Variants in MNAT1 observed in about 807,000 individuals in gnomAD.
The protein encoded by MNAT1 is CDK-activating kinase assembly factor MAT1.
Under a neutral mutation model 42.0 loss-of-function variants are expected in MNAT1, and 43 were observed. The ratio of observed to expected loss-of-function variants is 1.02; its 90% CI spans 0.80 to 1.32. The LOEUF (loss-of-function observed/expected upper bound fraction) is 1.32. Ranked by LOEUF, MNAT1 falls within the 40% of genes most tolerant of loss-of-function variation. The pLI, the probability that MNAT1 is intolerant of heterozygous loss-of-function variation, is 0.00. For missense variants in MNAT1, 306 were observed against 350.4 expected, an observed-to-expected ratio of 0.87 and a Z score of 1.01; for synonymous variants, 118 against 120.0, an observed-to-expected ratio of 0.98 and a Z score of 0.11.
chr14:60,802,664 G>C (rs2032243069), intron 3 of MNAT1, among the ~76,000 whole-genome samples: 1 of 152,172 alleles, frequency 6.6e-6, no homozygotes, highest in African/African-American at 2.4e-5. Flanking sequence ...GAATATTCAA[G>C]TGGTTGATTT....
At chr14:60,791,824 T>G (rs1476730231) in intron 1 of MNAT1, among the ~76,000 whole-genome samples, 3 of 152,132 alleles carry the variant, frequency 2.0e-5, no homozygotes. Context: ...CTTTTTAAGG[T>G]GAAGATTCAA....
chr14:60,939,783 G>T (rs780612937), intron 7 of MNAT1, among the ~76,000 whole-genome samples: 30 of 152,208 alleles, frequency 2.0e-4, no homozygotes, highest in South Asian at 4.2e-4. Context: ...TTCCTGGAGA[G>T]CCTTGTTAAC....
At chr14:60,817,596 C>T (rs1428385482) in intron 5 of MNAT1, among the ~76,000 whole-genome samples, 1 of 151,924 alleles carries the variant, frequency 6.6e-6, no homozygotes, top group African/African-American at 2.4e-5. Flanking sequence ...TATACTGTAA[C>T]CTTAAACCAA....
chr14:60,760,065 G>A (rs1286016678), intron 1 of MNAT1, among the ~76,000 whole-genome samples: 1 of 152,128 alleles, frequency 6.6e-6, no homozygotes, highest in African/African-American at 2.4e-5. Flanking sequence ...AAAGATTAAA[G>A]TTGCAAACAG....
intron 6 of MNAT1, among the ~76,000 whole-genome samples, chr14:60,835,839 G>C (rs539039976): frequency 2.3e-4 from 35 of 152,280 alleles, no homozygotes; most frequent in African/African-American, 8.2e-4. Context: ...TTCCAGCTTG[G>C]TTCCGTTCTT....
At chr14:60,960,495 T>C (rs2036568211) in intron 7 of MNAT1, among the ~76,000 whole-genome samples, 3 of 152,206 alleles carry the variant, frequency 2.0e-5, no homozygotes, top group Admixed American at 2.0e-4. Context: ...CTCTCTTCTT[T>C]TCACTTGGCC....
At chr14:60,861,854 A>G (rs968264404) in intron 6 of MNAT1, among the ~76,000 whole-genome samples, 2 of 152,156 alleles carry the variant, frequency 1.3e-5, no homozygotes, top group African/African-American at 2.4e-5. Flanking sequence ...CTGTTATTAG[A>G]GATATTTCTT....
chr14:60,810,079 T>C (rs1225199225), intron 4 of MNAT1, among the ~76,000 whole-genome samples: 2 of 152,158 alleles, frequency 1.3e-5, no homozygotes, highest in African/African-American at 2.4e-5. Context: ...GTAGGTTGTA[T>C]GTTTCTAGGA....
At chr14:60,920,787 T>C (rs1203195327) in intron 7 of MNAT1, among the ~76,000 whole-genome samples, 6 of 152,250 alleles carry the variant, frequency 3.9e-5, no homozygotes, top group Middle Eastern at 3.4e-3. Flanking sequence ...ATGACTTTAT[T>C]TTCATTAAGT....
At chr14:60,876,446 T>C (rs1378523186) in intron 6 of MNAT1, among the ~76,000 whole-genome samples, 2 of 152,072 alleles carry the variant, frequency 1.3e-5, no homozygotes, top group Admixed American at 6.6e-5. Flanking sequence ...TAAAAGTTCA[T>C]GTAATCCCTT....
chr14:60,883,475 T>C (rs2034594831), intron 7 of MNAT1, among the ~76,000 whole-genome samples: 2 of 152,184 alleles, frequency 1.3e-5, no homozygotes, highest in African/African-American at 4.8e-5. Context: ...TTTTAGTTAC[T>C]ATAGCTCTGT....
intron 1 of MNAT1, among the ~76,000 whole-genome samples, chr14:60,771,019 C>A (rs567245899): frequency 5.9e-5 from 9 of 152,040 alleles, no homozygotes; most frequent in African/African-American, 1.9e-4. Context: ...TGTATATGTC[C>A]ACTGGTGTAT....
At chr14:60,939,608 C>A (rs1246940814) in intron 7 of MNAT1, among the ~76,000 whole-genome samples, 4 of 152,104 alleles carry the variant, frequency 2.6e-5, no homozygotes, top group Non-Finnish European at 5.9e-5. Flanking sequence ...AGTTTGTTAT[C>A]ATTTCTGCTC....
intron 7 of MNAT1, among the ~76,000 whole-genome samples, chr14:60,893,166 G>T (rs2034881778): frequency 6.6e-6 from 1 of 151,682 alleles, no homozygotes; most frequent in Admixed American, 6.6e-5. Flanking sequence ...TAAAAGTTAG[G>T]ATAATTTCTC....
chr14:60,893,147 A>C (rs762140365), intron 7 of MNAT1, among the ~76,000 whole-genome samples: 3 of 152,018 alleles, frequency 2.0e-5, no homozygotes, highest in Non-Finnish European at 2.9e-5. Flanking sequence ...TTTTTAAAAA[A>C]GTTTGTTTTA....
intron 1 of MNAT1, among the ~76,000 whole-genome samples, chr14:60,762,962 T>C (rs2030670985): frequency 6.6e-6 from 1 of 152,164 alleles, no homozygotes; most frequent in Non-Finnish European, 1.5e-5. Flanking sequence ...TAGCTTATTA[T>C]CATGTATGGA....
At chr14:60,858,074 C>A (rs2034005436) in intron 6 of MNAT1, among the ~76,000 whole-genome samples, 1 of 152,122 alleles carries the variant, frequency 6.6e-6, no homozygotes, top group African/African-American at 2.4e-5. Context: ...ATTTATAATC[C>A]TTTTGGTATA....
intron 7 of MNAT1, among the ~76,000 whole-genome samples, chr14:60,931,859 T>C (rs188950114): frequency 6.6e-6 from 1 of 151,922 alleles, no homozygotes; most frequent in Non-Finnish European, 1.5e-5. Flanking sequence ...AGTTTTTTTT[T>C]AAAAAAACAA....
At chr14:60,954,268 G>A (rs2036438444) in intron 7 of MNAT1, among the ~76,000 whole-genome samples, 1 of 152,134 alleles carries the variant, frequency 6.6e-6, no homozygotes, top group Non-Finnish European at 1.5e-5. Context: ...AGAAAAATGT[G>A]ATTAGAATTC....
Sources: allele counts gnomAD v4.1 joint callset (sites outside exome capture counted in the v4.1 genomes callset), GRCh38; gene constraint gnomAD v4.1.1; transcripts MANE v1.5; gene names NCBI Gene and HGNC (gene_info 2026-07-23, HGNC 2026-07-21).